The following BMP8A variants were observed in gnomAD, a reference collection of about 807,000 sequenced individuals.
The protein encoded by BMP8A is BMP-8A.
BMP8A carries 14 observed loss-of-function variants against 36.8 expected under a neutral mutation model. That is an observed-to-expected ratio of 0.38 (90% CI 0.25 to 0.60). BMP8A has a LOEUF of 0.60. Ranked by LOEUF, BMP8A falls within the 20% of genes least tolerant of loss-of-function variation. The pLI, the probability that BMP8A is intolerant of heterozygous loss-of-function variation, is 0.63. For missense variants in BMP8A, 267 were observed against 551.1 expected, an observed-to-expected ratio of 0.48 and a Z score of 5.16; for synonymous variants, 120 against 237.7, an observed-to-expected ratio of 0.50 and a Z score of 4.55.
chr1:39,514,663 G>C (rs1374260635), intron 3 of BMP8A, among the ~76,000 whole-genome samples: 1 of 152,052 alleles, frequency 6.6e-6, no homozygotes, highest in Non-Finnish European at 1.5e-5. Context: ...GGCTCCACTG[G>C]GGCAGGAGGG....
At chr1:39,523,216 C>T in intron 6 of BMP8A, 99 bp downstream of exon 6, 2 of 1,370,414 alleles carry the variant, frequency 1.5e-6, no homozygotes, top group Non-Finnish European at 2.0e-6. Context: ...GCCACCTGCT[C>T]CATGTCTCGG....
At chr1:39,509,868 TA>T (rs1407849790) in intron 1 of BMP8A, among the ~76,000 whole-genome samples, 5 of 152,250 alleles carry the variant, frequency 3.3e-5, no homozygotes, top group Admixed American at 2.6e-4. Flanking sequence ...CACAGATTTC[TA>T]GAGTTTGAAA....
At chr1:39,512,781 AAC>A (rs2124362474) in intron 3 of BMP8A, among the ~76,000 whole-genome samples, 1 of 152,400 alleles carries the variant, frequency 6.6e-6, no homozygotes, top group Admixed American at 6.5e-5. Flanking sequence ...CCCCTCCGTG[AAC>A]CCGAAACCCC....
intron 1 of BMP8A, among the ~76,000 whole-genome samples, chr1:39,506,839 C>T (rs1433313076): frequency 6.6e-6 from 1 of 152,218 alleles, no homozygotes; most frequent in African/African-American, 2.4e-5. Flanking sequence ...TTGCTTACCT[C>T]AGTGTCTCCT....
chr1:39,513,925 GAC>G (rs1304414038), intron 3 of BMP8A, among the ~76,000 whole-genome samples: 2 of 151,962 alleles, frequency 1.3e-5, no homozygotes, highest in African/African-American at 4.8e-5. Flanking sequence ...GAGGGAGCAG[GAC>G]ACCTGGAGGA....
intron 6 of BMP8A, 81 bp downstream of exon 6, chr1:39,523,198 G>A: frequency 6.7e-7 from 1 of 1,485,228 alleles, no homozygotes; most frequent in Non-Finnish European, 9.3e-7. Flanking sequence ...AGCCGGGAGG[G>A]CAGTGAGGCC....
At chr1:39,498,398 A>C (rs868603092) in intron 1 of BMP8A, among the ~76,000 whole-genome samples, 28 of 152,020 alleles carry the variant, frequency 1.8e-4, no homozygotes, top group South Asian at 2.1e-4. Flanking sequence ...CTTTCTTGCT[A>C]ACATCTCCTG....
intron 1 of BMP8A, among the ~76,000 whole-genome samples, chr1:39,493,720 C>T (rs1645181240): frequency 1.3e-5 from 2 of 152,166 alleles, no homozygotes; most frequent in African/African-American, 4.8e-5. Context: ...CTGTATGCTG[C>T]CTTTGTAGTT....
chr1:39,514,635 G>C (rs922975753), intron 3 of BMP8A, among the ~76,000 whole-genome samples: 1 of 151,966 alleles, frequency 6.6e-6, no homozygotes, highest in African/African-American at 2.4e-5. Flanking sequence ...GGGCGGGGTG[G>C]TTGGAGTTTG....
At chr1:39,517,224 T>G (rs1426871415) in intron 3 of BMP8A, among the ~76,000 whole-genome samples, 1 of 151,988 alleles carries the variant, frequency 6.6e-6, no homozygotes, top group Non-Finnish European at 1.5e-5. Context: ...CTTGAACACT[T>G]GAGCTCAAGC....
At chr1:39,507,973 C>T (rs1266865792) in intron 1 of BMP8A, among the ~76,000 whole-genome samples, 1 of 152,126 alleles carries the variant, frequency 6.6e-6, no homozygotes, top group African/African-American at 2.4e-5. Context: ...GAAAACTAGC[C>T]GGGTGCAGTG....
At chr1:39,494,646 T>G (rs1438908434) in intron 1 of BMP8A, among the ~76,000 whole-genome samples, 1 of 152,186 alleles carries the variant, frequency 6.6e-6, no homozygotes, top group African/African-American at 2.4e-5. Flanking sequence ...TGAACCACCA[T>G]GCCTGGCCAC....
At chr1:39,503,940 C>CA (rs1243686260) in intron 1 of BMP8A, among the ~76,000 whole-genome samples, 2 of 151,934 alleles carry the variant, frequency 1.3e-5, no homozygotes, top group East Asian at 1.9e-4. Context: ...GACCCTGTCT[C>CA]AAAAAACAAA....
At chr1:39,500,245 A>G (rs1182583984) in intron 1 of BMP8A, among the ~76,000 whole-genome samples, 2 of 152,034 alleles carry the variant, frequency 1.3e-5, no homozygotes, top group Non-Finnish European at 2.9e-5. Context: ...TTTTCCCCTT[A>G]CTTTCCAGGT....
intron 1 of BMP8A, among the ~76,000 whole-genome samples, chr1:39,502,503 C>T (rs759793805): frequency 2.6e-5 from 4 of 152,056 alleles, no homozygotes; most frequent in Non-Finnish European, 5.9e-5. Flanking sequence ...CAAAACAGAA[C>T]TCCTTGCAGA....
intron 1 of BMP8A, among the ~76,000 whole-genome samples, chr1:39,493,999 A>T (rs1645183641): frequency 6.6e-6 from 1 of 152,248 alleles, no homozygotes; most frequent in Non-Finnish European, 1.5e-5. Context: ...GTGTGACCTT[A>T]GGGAAGTTCC....
In BMP8A at chr1:39,524,926, A is replaced by C. The variant is rs1645466655; in HGVS notation, c.1060-723A>C. On this transcript the variant is annotated intron_variant, in intron 6 of 6. Coordinates refer to ENST00000331593, the MANE Select transcript of BMP8A (RefSeq NM_181809.4). The surrounding 1 kb of genome is among the most constrained non-coding windows in gnomAD (Gnocchi z 4.0). ...AGGGGCTGCTCTCAGGGAAGGGAGG[A>C]GGCGAAAGGAGTCATCCAGGAGGCC... 6.6e-6 allele frequency: 1 copy of C among 152,352 alleles called. No homozygotes were observed. The highest frequency in any genetic ancestry group is 2.4e-5 in the African/African-American group (1 of 41,358). 9.4% of individuals were successfully genotyped at this position (152,352 alleles called of 1,614,324 possible). A position where few individuals can be genotyped will look rare whatever the true frequency, so the allele number is the denominator to read the frequency against.
At chr1:39,507,815 A>T (rs1645314723) in intron 1 of BMP8A, among the ~76,000 whole-genome samples, 1 of 152,126 alleles carries the variant, frequency 6.6e-6, no homozygotes, top group Admixed American at 6.6e-5. Context: ...TTTTCATTTG[A>T]CCCACTGTTT....
intron 1 of BMP8A, among the ~76,000 whole-genome samples, chr1:39,508,525 C>T (rs977786301): frequency 2.6e-5 from 4 of 152,264 alleles, no homozygotes; most frequent in African/African-American, 9.6e-5. Flanking sequence ...AGGGTCGGGA[C>T]TGGGACCAGG....
Sources: gnomAD v4.1 joint callset for allele counts (sites outside exome capture counted in the v4.1 genomes callset) on GRCh38, gnomAD v4.1.1 for gene constraint, Gnocchi (gnomAD v3.1) non-coding constraint, MANE v1.5 for transcripts, NCBI Gene and HGNC (gene_info 2026-07-23, HGNC 2026-07-21) for gene names.